PGGT1B: variants seen among roughly 807,000 people sequenced by gnomAD.
The protein encoded by PGGT1B is protein geranylgeranyltransferase type I subunit beta.
In PGGT1B, 30 loss-of-function variants were observed where a neutral mutation model predicts 46.1. That is an observed-to-expected ratio of 0.65 (90% CI 0.49 to 0.88). The LOEUF is 0.88. PGGT1B is among the 40% of genes least tolerant of loss of function. The pLI, the probability that PGGT1B is intolerant of heterozygous loss-of-function variation, is 0.00. For missense variants in PGGT1B, 376 were observed against 455.9 expected, an observed-to-expected ratio of 0.82 and a Z score of 1.60; for synonymous variants, 170 against 160.0, an observed-to-expected ratio of 1.06 and a Z score of -0.47.
In PGGT1B at chr5:115,207,180, C is replaced by CATATATATATATATATATATAT. The variant is rs35653225; in HGVS notation, c.*5200_*5221dup. On this transcript the variant is annotated 3_prime_UTR_variant, in exon 9 of 9. Transcript: ENST00000419445. ...ACTAGTTTAGGTTTGCATATACATA[C>CATATATATATATATATATATAT]ATATATATATATATATATATATATA... is the stretch of plus-strand genomic sequence containing the variant. 0.014 allele frequency: 1,244 copies of CATATATATATATATATATATAT among 89,534 alleles called. 89 individuals are homozygous for CATATATATATATATATATATAT. Among genetic ancestry groups the CATATATATATATATATATATAT allele is most frequent in the Non-Finnish European group, 0.02 (847 of 42,012 alleles). The allele number at this position is 89,534 out of a possible 1,614,324, so 5.5% of individuals were successfully genotyped here. A position where few individuals can be genotyped will look rare whatever the true frequency, so the allele number is the denominator to read the frequency against.
At chr5:115,214,834 C>T (rs1756364007) in intron 8 of PGGT1B, among the ~76,000 whole-genome samples, 1 of 152,176 alleles carries the variant, frequency 6.6e-6, no homozygotes, top group Non-Finnish European at 1.5e-5. Context: ...GTACCCTGCA[C>T]TGGTTTAAAA....
intron 4 of PGGT1B, 55 bp downstream of exon 4, chr5:115,237,803 T>C: frequency 6.8e-7 from 1 of 1,471,734 alleles, no homozygotes; most frequent in South Asian, 1.2e-5. Context: ...ATCCATTTTT[T>C]AGTTCCAATA....
intron 1 of PGGT1B, among the ~76,000 whole-genome samples, chr5:115,254,260 T>A (rs957620816): frequency 6.6e-6 from 1 of 152,060 alleles, no homozygotes; most frequent in Non-Finnish European, 1.5e-5. Context: ...TTATCTGAAA[T>A]GCTTGGGACC....
At position 115,221,893 on chromosome 5, in the gene PGGT1B, A is replaced by G. The variant is rs768385634; in HGVS notation, c.774T>C (p.Asn258=). ...GCTTATTAGGTCTTCCATGATAACC[A>G]TTTTGTTGCCTCATTATACACCACC... is the stretch of plus-strand genomic sequence containing the variant. ...IKRWCIMRQQ[N]GYHGRPNKPV... The change falls in exon 7 of 9, where the codon AAT becomes AAC. Residue 258 remains asparagine, a synonymous_variant. Transcript: ENST00000419445. 2 of 1,610,574 alleles carry G rather than the reference A, an allele frequency of 1.2e-6. No homozygotes were observed. Among genetic ancestry groups the G allele is most frequent in the Non-Finnish European group, 1.7e-6 (2 of 1,178,488 alleles).
Position 115,207,900 on chromosome 5 carries a change from G to A in PGGT1B, c.*4502C>T, listed in dbSNP as rs1756109169. On this transcript the variant is annotated 3_prime_UTR_variant, in exon 9 of 9. Transcript: ENST00000419445. ...TTAAGATGCTGGCTTTTAGGTAGAG[G>A]TACAATGTTAATAGATTATTCATCA... is the stretch of plus-strand genomic sequence containing the variant. The A allele has an allele frequency of 6.6e-6, 1 of 152,006 alleles. No homozygotes were observed. The highest frequency in any genetic ancestry group is 1.5e-5 in the Non-Finnish European group (1 of 67,954). 9.4% of individuals were successfully genotyped at this position (152,006 alleles called of 1,614,324 possible).
intron 1 of PGGT1B, among the ~76,000 whole-genome samples, chr5:115,256,113 A>G (rs188092422): frequency 6.6e-6 from 1 of 152,260 alleles, no homozygotes; most frequent in East Asian, 1.9e-4. Context: ...GTGGTTCTCT[A>G]CTGGGAACAC....
chr5:115,246,634 GGCTGCCCATCAGAATCAA>G (rs1030325614), intron 2 of PGGT1B, among the ~76,000 whole-genome samples: 4 of 152,070 alleles, frequency 2.6e-5, no homozygotes, highest in African/African-American at 9.7e-5. Context: ...TGTGTGGTCT[GGCTGCCCATCAGAATCAA>G]TTGCCTATTT....
At chr5:115,227,653 G>A (rs957184094) in intron 6 of PGGT1B, among the ~76,000 whole-genome samples, 1 of 152,178 alleles carries the variant, frequency 6.6e-6, no homozygotes, top group Non-Finnish European at 1.5e-5. Context: ...ACTTGTCAGT[G>A]ATTTTCCCTG....
chr5:115,234,324 C>T (rs868108977), intron 5 of PGGT1B, among the ~76,000 whole-genome samples: 11 of 151,006 alleles, frequency 7.3e-5, no homozygotes, highest in African/African-American at 2.2e-4. Flanking sequence ...TGAAAACTAA[C>T]GAGAATAGTT....
Position 115,244,481 on chromosome 5 carries a change from A to AG in PGGT1B, c.260-2876_260-2875insC, listed in dbSNP as rs1241341954. Among the ~76,000 whole-genome samples, 10 of 109,996 alleles carry AG rather than the reference A, an allele frequency of 9.1e-5. 1 individual carries two copies. Among genetic ancestry groups the AG allele is most frequent in the African/African-American group, 3.5e-4 (7 of 19,794 alleles). The allele number at this position is 109,996 out of a possible 152,430, so 72.2% of individuals were successfully genotyped here. A position where few individuals can be genotyped will look rare whatever the true frequency, so the allele number is the denominator to read the frequency against. ...CTCTGTCTCACAAAAAAAAAAAAAA[A>AG]AAAAAAAAAAGGATTCTACCTAACA... On this transcript the variant is annotated intron_variant, in intron 2 of 8. Transcript: ENST00000419445.
At chr5:115,228,938 C>CA (rs1227785451) in intron 6 of PGGT1B, among the ~76,000 whole-genome samples, 3 of 152,030 alleles carry the variant, frequency 2.0e-5, no homozygotes, top group African/African-American at 7.2e-5. Flanking sequence ...AATTACAGAA[C>CA]AAGTCATTTG....
At position 115,255,908 on chromosome 5, in the gene PGGT1B, A is replaced by C. The variant is rs567881088; in HGVS notation, c.141-2653T>G. 7.2e-5 allele frequency among the ~76,000 whole-genome samples: 11 copies of C among 152,324 alleles called. No individual in the cohort carries two copies. The South Asian group carries it at 2.1e-3, about 29-fold the overall frequency. ...GGGTGCTTCTCATTAGAATCTGCTT[A>C]AAAACTGCTCATTAGAATCTGCTTA... On this transcript the variant is annotated intron_variant, in intron 1 of 8. Transcript: ENST00000419445.
intron 6 of PGGT1B, among the ~76,000 whole-genome samples, chr5:115,228,808 T>C (rs762059473): frequency 6.6e-6 from 1 of 152,074 alleles, no homozygotes; most frequent in East Asian, 1.9e-4. Context: ...GGGAGGTTAA[T>C]AGCTCAAATG....
chr5:115,236,229 G>A (rs994360871), intron 5 of PGGT1B, among the ~76,000 whole-genome samples, 161 bp downstream of exon 5: 2 of 152,036 alleles, frequency 1.3e-5, no homozygotes, highest in African/African-American at 4.8e-5. Flanking sequence ...TGCACTTTAA[G>A]ATTATTTCTT....
chr5:115,240,189 G>A (rs1164262042), intron 3 of PGGT1B, among the ~76,000 whole-genome samples: 2 of 152,058 alleles, frequency 1.3e-5, no homozygotes. Context: ...GGGTGCAGGT[G>A]AATGAAGGTC....
Position 115,262,797 on chromosome 5 carries a change from C to T in PGGT1B, c.55G>A (p.Asp19Asn), listed in dbSNP as rs747295033. ...LAGSGEGERL[D>N]FLRDRHVRFF... Reference sequence around the variant, plus strand: ...CGCACGTGCCGATCCCGTAAGAAATCCAGCCGCTCTCCCTCACCGCTCCCT... The same window carrying T: ...CGCACGTGCCGATCCCGTAAGAAATTCAGCCGCTCTCCCTCACCGCTCCCT... The change falls in exon 1 of 9, where the codon GAT (aspartate) becomes AAT (asparagine). Residue 19 changes from aspartate to asparagine, a missense_variant. Coordinates refer to ENST00000419445, the MANE Select transcript of PGGT1B (RefSeq NM_005023.4). 3 of 1,613,122 alleles carry T rather than the reference C, an allele frequency of 1.9e-6. No homozygotes were observed. Among genetic ancestry groups the T allele is most frequent in the East Asian group, 4.5e-5 (2 of 44,858 alleles).
At position 115,208,126 on chromosome 5, in the gene PGGT1B, T is replaced by A. The variant is rs1756116891; in HGVS notation, c.*4276A>T. ...GTTGGATTGTTTGCTAATGTTATCA[T>A]TAAAACTTTTTATTAATATTCATGA... On this transcript the variant is annotated 3_prime_UTR_variant, in exon 9 of 9. Coordinates refer to ENST00000419445, the MANE Select transcript of PGGT1B (RefSeq NM_005023.4). The A allele has an allele frequency of 6.6e-6, 1 of 151,764 alleles. No individual in the cohort carries two copies. The highest frequency in any genetic ancestry group is 1.5e-5 in the Non-Finnish European group (1 of 67,968). The allele number at this position is 151,764 out of a possible 1,614,324, so 9.4% of individuals were successfully genotyped here.
chr5:115,253,553 A>G (rs1748192799), intron 1 of PGGT1B, among the ~76,000 whole-genome samples: 1 of 151,972 alleles, frequency 6.6e-6, no homozygotes, highest in Admixed American at 6.6e-5. Flanking sequence ...GCTAAAGTAG[A>G]TTTAAAAAAG....
At chr5:115,247,809 C>T (rs1036381795) in intron 2 of PGGT1B, among the ~76,000 whole-genome samples, 7 of 152,130 alleles carry the variant, frequency 4.6e-5, no homozygotes, top group African/African-American at 1.7e-4. Context: ...ATATTTCCCT[C>T]AACAAGATAG....
Sources: gnomAD v4.1 joint callset for allele counts (sites outside exome capture counted in the v4.1 genomes callset) on GRCh38, gnomAD v4.1.1 for gene constraint, MANE v1.5 for transcripts, NCBI Gene and HGNC (gene_info 2026-07-23, HGNC 2026-07-21) for gene names.